Variants in LASP1 observed in about 807,000 individuals in gnomAD.
The protein encoded by LASP1 is LIM and SH3 domain protein 1.
LASP1 carries 10 observed loss-of-function variants against 38.6 expected under a neutral mutation model. The observed-to-expected ratio is 0.26, with a 90% CI of 0.16 to 0.44. The LOEUF (loss-of-function observed/expected upper bound fraction) is 0.44. Among genes scored for constraint, LASP1 ranks in the 20% least tolerant of loss-of-function variants. LASP1 has a pLI of 1.00. For synonymous variants in LASP1, 132 were observed against 140.8 expected, an observed-to-expected ratio of 0.94 and a Z score of 0.44; for missense variants, 243 against 375.7, an observed-to-expected ratio of 0.65 and a Z score of 2.92.
chr17:38,873,886 C>T (rs1177071162), intron 1 of LASP1: 1 of 152,396 alleles, frequency 6.6e-6, no homozygotes, highest in Non-Finnish European at 1.5e-5. Context: ...GTTCAGAGGC[C>T]AAGGTGCCAG....
Position 38,914,405 on chromosome 17 carries a change from A to G in LASP1, c.438A>G (p.Ser146=), listed in dbSNP as rs525989. The change falls in exon 5 of 7, where the codon TCA becomes TCG. Residue 146 remains serine, a synonymous_variant. Coordinates refer to ENST00000318008, the MANE Select transcript of LASP1 (RefSeq NM_006148.4). ...GEGMEPERRD[S]QDGSSYRRPL... ...GCATGGAGCCAGAGCGTCGGGATTCACAGGACGGCAGCAGCTACCGGCGGC... is the reference window on the plus strand; with the variant it reads ...GCATGGAGCCAGAGCGTCGGGATTCGCAGGACGGCAGCAGCTACCGGCGGC... The G allele has an allele frequency of 0.66, 1,056,864 of 1,611,482 alleles. 350,336 individuals are homozygous for G. Among genetic ancestry groups the G allele is most frequent in the African/African-American group, 0.88 (65,824 of 74,906 alleles).
intron 2 of LASP1, among the ~76,000 whole-genome samples, chr17:38,882,494 C>T (rs758551013): frequency 3.3e-5 from 5 of 152,106 alleles, no homozygotes; most frequent in Non-Finnish European, 7.3e-5. Context: ...GTGATCCACT[C>T]GCCTCGGCCT....
At chr17:38,876,613 C>A (rs1033491857) in intron 1 of LASP1, among the ~76,000 whole-genome samples, 14 of 152,162 alleles carry the variant, frequency 9.2e-5, no homozygotes, top group African/African-American at 3.4e-4. Context: ...ATCCGCCTGC[C>A]ACAGCCTCCC....
At chr17:38,879,309 C>A (rs1249449579) in intron 2 of LASP1, among the ~76,000 whole-genome samples, 1 of 151,530 alleles carries the variant, frequency 6.6e-6, no homozygotes, top group Non-Finnish European at 1.5e-5. Flanking sequence ...ATGCATGCTA[C>A]CATGCCCAGC....
chr17:38,894,362 G>A (rs1914427605), intron 3 of LASP1, among the ~76,000 whole-genome samples: 1 of 152,214 alleles, frequency 6.6e-6, no homozygotes, highest in South Asian at 2.1e-4. Flanking sequence ...CTCGGATCTT[G>A]TAAGCAGCAC....
In LASP1 at chr17:38,915,513, C is replaced by G. The variant is rs1311148697; in HGVS notation, c.612+367C>G. On this transcript the variant is annotated intron_variant, in intron 6 of 6. Transcript: ENST00000318008. ...CCACATCCTTCAGCTCTCAGGCTGC[C>G]CCTGCCTCTGAGGGGCCTCCCCAGC... The G allele has an allele frequency of 1.7e-5, 3 of 174,442 alleles. No homozygotes were observed. In the East Asian group the frequency reaches 4.6e-4, roughly 27 times the overall value. The allele number at this position is 174,442 out of a possible 1,614,324, so 10.8% of individuals were successfully genotyped here. A position where few individuals can be genotyped will look rare whatever the true frequency, so the allele number is the denominator to read the frequency against.
rs75190221 is a variant in LASP1 at position 38,921,693 on chromosome 17, A to G, written c.*2915A>G. On this transcript the variant is annotated 3_prime_UTR_variant, in exon 7 of 7. Transcript: ENST00000318008. Reference sequence around the variant, plus strand: ...GATCAAACCTTTCTGGCCTGTTATGATTCTGAACATTTGACTTGAACCACA... The same window carrying G: ...GATCAAACCTTTCTGGCCTGTTATGGTTCTGAACATTTGACTTGAACCACA... 1,545 of 230,502 alleles carry G rather than the reference A, an allele frequency of 6.7e-3. 52 individuals carry two copies. The East Asian group carries it at 0.078, about 12-fold the overall frequency. 14.3% of individuals were successfully genotyped at this position (230,502 alleles called of 1,614,324 possible).
Position 38,914,117 on chromosome 17 carries a change from T to C in LASP1, c.358-208T>C, listed in dbSNP as rs978363837. ...TCCAACAGTGTCTGAGGGAGACTGG[T>C]GTCTCATTTTGCAGAGGTGAAAACT... On this transcript the variant is annotated intron_variant, in intron 4 of 6. Coordinates refer to ENST00000318008, the MANE Select transcript of LASP1 (RefSeq NM_006148.4). 5.1e-4 allele frequency among the ~76,000 whole-genome samples: 78 copies of C among 152,206 alleles called. 1 individual carries two copies. Among genetic ancestry groups the C allele is most frequent in the South Asian group, 2.1e-4 (1 of 4,818 alleles).
At chr17:38,901,510 C>G (rs1914640534) in intron 4 of LASP1, among the ~76,000 whole-genome samples, 1 of 152,156 alleles carries the variant, frequency 6.6e-6, no homozygotes, top group Admixed American at 6.5e-5. Context: ...CGGATATGGG[C>G]CTCCAGACAG....
intron 4 of LASP1, among the ~76,000 whole-genome samples, chr17:38,901,505 A>G (rs1250244828): frequency 1.3e-5 from 2 of 152,204 alleles, no homozygotes; most frequent in Non-Finnish European, 2.9e-5. Context: ...TCTGTCGGAT[A>G]TGGGCCTCCA....
At chr17:38,880,974 G>A (rs1347881109) in intron 2 of LASP1, among the ~76,000 whole-genome samples, 1 of 152,144 alleles carries the variant, frequency 6.6e-6, no homozygotes, top group African/African-American at 2.4e-5. Context: ...GTGGTGGTGG[G>A]CACCTATAAT....
At chr17:38,905,694 G>C (rs957237646) in intron 4 of LASP1, among the ~76,000 whole-genome samples, 1 of 152,178 alleles carries the variant, frequency 6.6e-6, no homozygotes. Context: ...TGTAGAGTGT[G>C]ATAGCCGATG....
intron 2 of LASP1, among the ~76,000 whole-genome samples, chr17:38,885,852 G>A (rs760431473): frequency 6.6e-6 from 1 of 152,216 alleles, no homozygotes; most frequent in Admixed American, 6.5e-5. Context: ...CTGGAGGGAG[G>A]TCAAATCAGT....
At chr17:38,898,542 G>GGCATCCCTGCT in intron 4 of LASP1, 23 bp downstream of exon 4, 1 of 1,498,566 alleles carries the variant, frequency 6.7e-7, no homozygotes, top group Non-Finnish European at 9.1e-7. Context: ...CCTGCCCTGC[G>GGCATCCCTGCT]GCATCCCTGC....
At chr17:38,889,618 A>T (rs964815330) in intron 2 of LASP1, among the ~76,000 whole-genome samples, 6 of 152,232 alleles carry the variant, frequency 3.9e-5, no homozygotes, top group Admixed American at 3.3e-4. Flanking sequence ...ATTATTTAAA[A>T]TATTGTATAA....
At chr17:38,887,862 C>T (rs1329267233) in intron 2 of LASP1, among the ~76,000 whole-genome samples, 1 of 152,214 alleles carries the variant, frequency 6.6e-6, no homozygotes, top group African/African-American at 2.4e-5. Context: ...AGCTCTGATG[C>T]ACGGCCATGT....
chr17:38,896,008 G>A (rs1914479436), intron 3 of LASP1, among the ~76,000 whole-genome samples: 1 of 152,048 alleles, frequency 6.6e-6, no homozygotes, highest in African/African-American at 2.4e-5. Context: ...TGGCCTGAGC[G>A]ACAACTGGGT....
chr17:38,915,222 TCTC>T, intron 6 of LASP1, 76 bp downstream of exon 6: 1 of 1,168,198 alleles, frequency 8.6e-7, no homozygotes, highest in Non-Finnish European at 1.3e-6. Context: ...GCTCATGGAT[TCTC>T]CTGACCTTTG....
intron 4 of LASP1, among the ~76,000 whole-genome samples, chr17:38,901,304 A>C (rs991994731): frequency 1.3e-5 from 2 of 152,190 alleles, no homozygotes; most frequent in Non-Finnish European, 2.9e-5. Context: ...ACCCTGGCCA[A>C]GCCATCCGCA....
Sources: allele counts gnomAD v4.1 joint callset (sites outside exome capture counted in the v4.1 genomes callset), GRCh38; gene constraint gnomAD v4.1.1; transcripts MANE v1.5; gene names NCBI Gene and HGNC (gene_info 2026-07-23, HGNC 2026-07-21).